IFI44: variants seen among roughly 807,000 people sequenced by gnomAD.
IFI44 encodes the protein interferon induced protein 44.
In IFI44, 42 loss-of-function variants were observed where a neutral mutation model predicts 45.0. That is an observed-to-expected ratio of 0.93 (90% confidence interval 0.73 to 1.21). The LOEUF is 1.21. IFI44 is among the 50% of genes most tolerant of loss of function. The pLI is 0.00. For missense variants in IFI44, 623 were observed against 525.8 expected (o/e 1.18, Z -1.81); for synonymous variants, 221 against 188.6 (o/e 1.17, Z -1.41).
At position 78,650,438 on chromosome 1, in the gene IFI44, A is replaced by C. The variant is rs1220986342; in HGVS notation, c.243A>C (p.Ala81=). 1 of 1,613,948 alleles carries C rather than the reference A, an allele frequency of 6.2e-7. No homozygotes were observed. ...EGKYASIILF[A]LQDTKISEWK... ...AGTATGCTTCCATCATCCTTTTTGC[A>C]CTTCAAGATACTAAAATTTCAGAAT... is the stretch of plus-strand genomic sequence containing the variant. The change falls in exon 2 of 9, where the codon GCA becomes GCC. Residue 81 remains alanine, a synonymous_variant. Coordinates refer to ENST00000370747, the MANE Select transcript of IFI44 (RefSeq NM_006417.5).
chr1:78,650,572 A>G lies in IFI44; in HGVS notation c.377A>G (p.Asp126Gly), dbSNP rs751742682. 6.2e-7 allele frequency: 1 copy of G among 1,612,902 alleles called. No individual in the cohort carries two copies. Among genetic ancestry groups the G allele is most frequent in the Non-Finnish European group, 8.5e-7 (1 of 1,179,548 alleles). ...IDGRNRKVIM[D>G]LKTMENLGLA... The stretch of plus-strand genomic sequence containing the variant: ...GGAAGAAATAGAAAAGTGATTATGG[A>G]CTTAAAGACAATGGAAAATCTTGGA... The change falls in exon 2 of 9, where the codon GAC becomes GGC. Residue 126 changes from aspartate (D) to glycine (G), a missense_variant. By Grantham distance (94) the Asp-to-Gly change is moderately conservative (BLOSUM62 -1). Coordinates refer to ENST00000370747, the MANE Select transcript of IFI44 (RefSeq NM_006417.5).
chr1:78,660,764 C>A (rs577711842), intron 7 of IFI44, 110 bp downstream of exon 7: 1 of 772,734 alleles, frequency 1.3e-6, no homozygotes, highest in East Asian at 2.7e-5. Context: ...AGAAGAATTA[C>A]AAAATTACTT....
At chr1:78,659,708 TATA>T (rs1460297320) in intron 6 of IFI44, among the ~76,000 whole-genome samples, 1 of 152,210 alleles carries the variant, frequency 6.6e-6, no homozygotes, top group African/African-American at 2.4e-5. Context: ...ATAAAATTAG[TATA>T]ATAATAGTAC....
intron 8 of IFI44, 144 bp downstream of exon 8, chr1:78,663,022 G>T (rs1420705791): frequency 6.6e-7 from 1 of 1,512,274 alleles, no homozygotes; most frequent in Non-Finnish European, 8.8e-7. Context: ...CCACTCCCTG[G>T]ATGCATTTTT....
At chr1:78,659,634 C>T (rs971602584) in intron 6 of IFI44, 151 bp downstream of exon 6, 4 of 582,480 alleles carry the variant, frequency 6.9e-6, no homozygotes, top group Non-Finnish European at 1.2e-5. Context: ...TGAAATTGAG[C>T]ATTCATTGGC....
rs1452319843 is a variant in IFI44, at chr1:78,655,421, T to A, written c.750T>A (p.Cys250Ter). 1 of 1,613,724 alleles carries A rather than the reference T, an allele frequency of 6.2e-7. No homozygotes were observed. Among genetic ancestry groups the A allele is most frequent in the Admixed American group, 1.7e-5 (1 of 59,994 alleles). Residue 250 changes from cysteine (C) to a stop codon, truncating the protein, a stop_gained, in exon 5 of 9, where the codon TGT (cysteine) becomes TGA (stop). Transcript: ENST00000370747. LOFTEE classifies it high-confidence loss of function. ...GCAAATACCTGCCGTTTATTCTGTG[T>A]GACTCACTGGGGCTGAGTGAGAAAG... is the stretch of plus-strand genomic sequence containing the variant. ...KDGKYLPFILCDSLGLSEKEG... is the reference protein window; with the variant it reads ...KDGKYLPFIL
intron 2 of IFI44, among the ~76,000 whole-genome samples, chr1:78,653,052 T>TA (rs1647148720): frequency 6.6e-6 from 1 of 152,138 alleles, no homozygotes; most frequent in Admixed American, 6.5e-5. Flanking sequence ...CTTTCTTTGA[T>TA]AAAACAAGAT....
chr1:78,654,112 C>T (rs1557700486), intron 2 of IFI44, 131 bp from the exon 3 acceptor site: 2 of 659,582 alleles, frequency 3.0e-6, no homozygotes, highest in Non-Finnish European at 5.4e-6. Flanking sequence ...TCCCTTTTCA[C>T]CATACGGGAC....
chr1:78,654,331 T>A (rs1294691996), intron 3 of IFI44, 52 bp downstream of exon 3: 1 of 959,088 alleles, frequency 1.0e-6, no homozygotes, highest in Middle Eastern at 2.8e-4. Context: ...CTTTGACTTA[T>A]TCTATGATAG....
chr1:78,650,190 A>G lies in IFI44; in HGVS notation c.-6A>G, dbSNP rs367580335. The G allele has an allele frequency of 2.5e-6, 4 of 1,585,744 alleles. No individual in the cohort carries two copies. In the African/African-American group the frequency reaches 5.4e-5, roughly 21 times the overall value. ...ATATATATGATTTGCCACTAGATCAAGAAGTATGGCAGTGACAACTCGTTT... is the reference window on the plus strand; with the variant it reads ...ATATATATGATTTGCCACTAGATCAGGAAGTATGGCAGTGACAACTCGTTT... On this transcript the variant is annotated 5_prime_UTR_variant, in exon 2 of 9. Coordinates refer to ENST00000370747, the MANE Select transcript of IFI44 (RefSeq NM_006417.5).
rs528696927 is a variant in IFI44, at chr1:78,654,025, C to T, written c.458-218C>T. Among the ~76,000 whole-genome samples the T allele has an allele frequency of 7.9e-4, 120 of 152,136 alleles. 2 individuals carry two copies. Among genetic ancestry groups the T allele is most frequent in the Non-Finnish European group, 1.5e-3 (105 of 68,020 alleles). On this transcript the variant is annotated intron_variant, in intron 2 of 8. Coordinates refer to ENST00000370747, the MANE Select transcript of IFI44 (RefSeq NM_006417.5). ...GAGATCTGCTGATAGTACAGAGGGT[C>T]TACTTACCTCTAGCCCTAGCCTCTT...
At position 78,663,809 on chromosome 1, in the gene IFI44, T is replaced by C. The variant is rs747770448; in HGVS notation, c.1333T>C (p.Ter445GlnextTer7). 6.8e-6 allele frequency: 11 copies of C among 1,611,740 alleles called. No individual in the cohort carries two copies. Among genetic ancestry groups the C allele is most frequent in the Admixed American group, 5.0e-5 (3 of 59,542 alleles). ...EIINCAQGKK[*>Q] is the part of the protein sequence containing the mutation. ...TATCAACTGTGCACAAGGAAAAAAA[T>C]AGATATGTGAAAGGTTCACGTAAAT... Residue 445 changes from the stop codon to glutamine, a stop_lost, in exon 9 of 9, where the codon TAG becomes CAG. Coordinates refer to ENST00000370747, the MANE Select transcript of IFI44 (RefSeq NM_006417.5).
At chr1:78,654,344 C>A in intron 3 of IFI44, 65 bp downstream of exon 3, 2 of 849,756 alleles carry the variant, frequency 2.4e-6, no homozygotes, top group South Asian at 2.9e-5. Flanking sequence ...TATGATAGGT[C>A]TCATCAATAT....
chr1:78,663,088 T>A, intron 8 of IFI44: 1 of 985,324 alleles, frequency 1.0e-6, no homozygotes, highest in Non-Finnish European at 1.2e-6. Flanking sequence ...CTGCACTATG[T>A]TTTTCCCTTT....
At chr1:78,659,880 G>T (rs943947685) in intron 6 of IFI44, among the ~76,000 whole-genome samples, 1 of 152,136 alleles carries the variant, frequency 6.6e-6, no homozygotes, top group Admixed American at 6.5e-5. Flanking sequence ...AAACATTTCC[G>T]AAAGGAAAAG....
At chr1:78,651,263 G>T (rs897805501) in intron 2 of IFI44, among the ~76,000 whole-genome samples, 1 of 152,110 alleles carries the variant, frequency 6.6e-6, no homozygotes, top group South Asian at 2.1e-4. Context: ...TAGAATCAGC[G>T]GGAACCCGGA....
At chr1:78,661,319 C>A (rs1403495537) in intron 7 of IFI44, among the ~76,000 whole-genome samples, 1 of 152,108 alleles carries the variant, frequency 6.6e-6, no homozygotes, top group Non-Finnish European at 1.5e-5. Flanking sequence ...TCATCTCGGT[C>A]CCCCAAAGTT....
intron 2 of IFI44, 86 bp from the exon 3 acceptor site, chr1:78,654,157 C>T: frequency 2.5e-6 from 2 of 794,182 alleles, no homozygotes; most frequent in Non-Finnish European, 4.5e-6. Context: ...GTATTTGTCC[C>T]TAGTGAATTC....
At chr1:78,660,395 T>C (rs1242444523) in intron 6 of IFI44, among the ~76,000 whole-genome samples, 159 bp from the exon 7 acceptor site, 2 of 152,148 alleles carry the variant, frequency 1.3e-5, no homozygotes, top group Admixed American at 6.6e-5. Context: ...TAATAAGTAG[T>C]CCAGGGGAGT....
Sources: allele counts gnomAD v4.1 joint callset (sites outside exome capture counted in the v4.1 genomes callset), GRCh38; gene constraint gnomAD v4.1.1; transcripts MANE v1.5; gene names NCBI Gene and HGNC (gene_info 2026-07-23, HGNC 2026-07-21).